HEATR4: variants seen among roughly 807,000 people sequenced by gnomAD.
The protein encoded by HEATR4 is HEAT repeat-containing protein 4.
Under a neutral mutation model 108.8 loss-of-function variants are expected in HEATR4, and 95 were observed. The observed-to-expected ratio is 0.87, with a 90% CI of 0.74 to 1.04. HEATR4 has a LOEUF of 1.04. HEATR4 is among the 50% of genes least tolerant of loss of function. HEATR4 has a pLI of 0.00. For missense variants in HEATR4, 1,152 were observed against 1,253.8 expected (o/e 0.92, Z 1.23); for synonymous variants, 443 against 459.4 (o/e 0.96, Z 0.46).
the HEATR4 span, chr14:73,591,965 A>G: frequency 6.5e-6 from 9 of 1,383,274 alleles, no homozygotes; most frequent in Non-Finnish European, 8.4e-6. Flanking sequence ...CCAAGATGTC[A>G]GCAACGCTGA....
At position 73,512,092 on chromosome 14, in the gene HEATR4, T is replaced by A; in HGVS notation, c.1472A>T (p.His491Leu). Residue 491 changes from histidine (H) to leucine (L), a missense_variant, in exon 7 of 18, where the codon CAT (histidine) becomes CTT (leucine). Transcript: ENST00000553558. Reference sequence around the variant, plus strand: ...GATAGCTTTGATCCGAACGTCATCATGCAGGTCTCCCAAGCTCTGAAGCAG... The same window carrying A: ...GATAGCTTTGATCCGAACGTCATCAAGCAGGTCTCCCAAGCTCTGAAGCAG... ...ENLLQSLGDLHDDVRIKAITT... is the reference protein window; with the variant it reads ...ENLLQSLGDLLDDVRIKAITT... The A allele has an allele frequency of 1.2e-6, 2 of 1,614,190 alleles. No individual in the cohort carries two copies. Among genetic ancestry groups the A allele is most frequent in the Non-Finnish European group, 1.7e-6 (2 of 1,180,036 alleles).
At chr14:73,500,521 T>C in intron 12 of HEATR4, 29 bp downstream of exon 12, 1 of 1,603,308 alleles carries the variant, frequency 6.2e-7, no homozygotes, top group Non-Finnish European at 8.5e-7. Context: ...GTCAATCAGG[T>C]AAGATGAGAA....
intron 6 of HEATR4, 30 bp from the exon 7 acceptor site, chr14:73,512,179 A>G (rs1196532917): frequency 6.2e-7 from 1 of 1,613,104 alleles, no homozygotes; most frequent in Non-Finnish European, 8.5e-7. Flanking sequence ...ATGAAAAGAG[A>G]ACCACCTGGT....
At chr14:73,533,295 C>T (rs1415330927) in intron 1 of HEATR4, among the ~76,000 whole-genome samples, 6 of 115,098 alleles carry the variant, frequency 5.2e-5, no homozygotes, top group Non-Finnish European at 1.1e-4. Flanking sequence ...AATAGCCAAA[C>T]GGTGGAAAGA....
At chr14:73,520,767 A>C (rs1335080104) in intron 4 of HEATR4, 85 bp downstream of exon 4, 2 of 1,300,068 alleles carry the variant, frequency 1.5e-6, no homozygotes, top group African/African-American at 2.9e-5. Flanking sequence ...GTCCATACCC[A>C]CAACTGTTTC....
intron 10 of HEATR4, among the ~76,000 whole-genome samples, chr14:73,503,548 C>T (rs1886615813): frequency 6.6e-6 from 1 of 152,192 alleles, no homozygotes. Context: ...AAGTATCTCC[C>T]TTCTCTACTC....
chr14:73,481,548 T>C (rs1304674600), intron 17 of HEATR4, among the ~76,000 whole-genome samples: 1 of 143,682 alleles, frequency 7.0e-6, no homozygotes, highest in Non-Finnish European at 1.5e-5. Context: ...GCTATAGAGA[T>C]AGTAAAAAAA....
chr14:73,619,919 C>CTT, the HEATR4 span: 27,422 of 1,164,380 alleles, frequency 0.024, 50 homozygotes, highest in East Asian at 0.11. Flanking sequence ...TTTCTTTTCT[C>CTT]TTTTTTTTTT....
At chr14:73,498,722 A>C (rs983693474) in intron 13 of HEATR4, among the ~76,000 whole-genome samples, 6 of 152,232 alleles carry the variant, frequency 3.9e-5, no homozygotes, top group East Asian at 1.9e-4. Context: ...GGTCTGTAGC[A>C]GTCTTGAAAC....
rs1269728448 is a variant in HEATR4, at chr14:73,549,071, G to A, written c.-152+9680C>T. ...GTATTGCTCACAGTTTTGGAGGCTA[G>A]GAAATCCAAGATCAAGGCACCAGCA... On this transcript the variant is annotated intron_variant, in intron 1 of 17. Coordinates refer to ENST00000553558, the MANE Select transcript of HEATR4 (RefSeq NM_001220484.1). Among the ~76,000 whole-genome samples, 15 of 113,766 alleles carry A rather than the reference G, an allele frequency of 1.3e-4. 5 individuals are homozygous for A. Among genetic ancestry groups the A allele is most frequent in the Non-Finnish European group, 2.9e-4 (15 of 52,244 alleles). 74.6% of individuals were successfully genotyped at this position (113,766 alleles called of 152,430 possible).
In HEATR4 at chr14:73,509,407, T is replaced by C. The variant is rs1417291760; in HGVS notation, c.1625A>G (p.Asn542Ser). 1.2e-6 allele frequency: 2 copies of C among 1,614,098 alleles called. No homozygotes were observed. The highest frequency in any genetic ancestry group is 1.7e-5 in the Admixed American group (1 of 60,008). The change falls in exon 8 of 18, where the codon AAT (asparagine) becomes AGT (serine). Residue 542 changes from asparagine (N) to serine (S), a missense_variant. By Grantham distance (46) the Asn-to-Ser change is conservative. Transcript: ENST00000553558. ...TGCTGCTGCCATCCGCACATGGGCATTCTTGTCACAAAGAGCAGCCTCTAG... is the reference window on the plus strand; with the variant it reads ...TGCTGCTGCCATCCGCACATGGGCACTCTTGTCACAAAGAGCAGCCTCTAG... Reference protein sequence around the residue: ...PALEAALCDKNAHVRMAAAIC... With the variant: ...PALEAALCDKSAHVRMAAAIC...
the HEATR4 span, chr14:73,574,802 C>G: frequency 6.3e-7 from 1 of 1,582,066 alleles, no homozygotes; most frequent in Non-Finnish European, 8.6e-7. Context: ...AATGGTAGAA[C>G]CTAGATTCAG....
rs1888024016 is a variant in HEATR4 at position 73,522,351 on chromosome 14, CTG to C, written c.800_801del (p.Thr267SerfsTer4). On this transcript the variant is annotated frameshift_variant, in exon 3 of 18. Coordinates refer to ENST00000553558, the MANE Select transcript of HEATR4 (RefSeq NM_001220484.1). LOFTEE classifies it high-confidence loss of function. ...ELLKQLEAEE[T>X]AEFEDQSVIL... is the part of the protein sequence containing the mutation. Reference sequence around the variant, plus strand: ...ATGACACTTTGATCCTCAAACTCTGCTGTCTCTTCTGCCTCCAGCTGTTTCAG... The same window carrying C: ...ATGACACTTTGATCCTCAAACTCTGCTCTCTTCTGCCTCCAGCTGTTTCAG... 1.2e-6 allele frequency: 2 copies of C among 1,614,248 alleles called. No individual in the cohort carries two copies. The highest frequency in any genetic ancestry group is 1.7e-6 in the Non-Finnish European group (2 of 1,180,042).
At chr14:73,562,200 A>G (rs531713459), upstream of HEATR4, among the ~76,000 whole-genome samples, 48 of 152,150 alleles carry the variant, frequency 3.2e-4, no homozygotes, top group African/African-American at 1.2e-3. Flanking sequence ...GTGGGAAGTC[A>G]AGGACCCCGA....
the HEATR4 span, among the ~76,000 whole-genome samples, chr14:73,632,224 C>T: frequency 6.6e-6 from 1 of 152,066 alleles, no homozygotes; most frequent in African/African-American, 2.4e-5. Context: ...GATCCTTCTG[C>T]CTCTGTCTCC....
At chr14:73,491,360 C>A in intron 17 of HEATR4, 1 of 1,381,574 alleles carries the variant, frequency 7.2e-7, no homozygotes. Context: ...CGCGCGCTCC[C>A]TGCAGACCCC....
chr14:73,492,048 T>C lies in HEATR4; in HGVS notation c.2844+1018A>G, dbSNP rs767626494. The stretch of plus-strand genomic sequence containing the variant: ...GGCTTTGCCCCCCACTACGACGACA[T>C]CGAGGCCTTCGTGCTGCAGCTGGAA... On this transcript the variant is annotated intron_variant, in intron 17 of 17. Transcript: ENST00000553558. The surrounding 1 kb of genome is among the most constrained non-coding windows in gnomAD (Gnocchi z 4.9). 2 of 1,613,960 alleles carry C rather than the reference T, an allele frequency of 1.2e-6. No individual in the cohort carries two copies. The highest frequency in any genetic ancestry group is 2.2e-5 in the South Asian group (2 of 91,068).
the HEATR4 span, among the ~76,000 whole-genome samples, chr14:73,627,518 G>C: frequency 6.6e-6 from 1 of 152,090 alleles, no homozygotes; most frequent in African/African-American, 2.4e-5. Flanking sequence ...CACAGAACTT[G>C]GGAAACACTT....
the HEATR4 span, among the ~76,000 whole-genome samples, chr14:73,576,793 CAAAAAA>C: frequency 0.016 from 189 of 12,098 alleles, 8 homozygotes; most frequent in African/African-American, 0.037. Flanking sequence ...GACACAGTCT[CAAAAAA>C]AAAAAAAAAA....
Sources: gnomAD v4.1 joint callset for allele counts (sites outside exome capture counted in the v4.1 genomes callset) on GRCh38, gnomAD v4.1.1 for gene constraint, Gnocchi (gnomAD v3.1) non-coding constraint, MANE v1.5 for transcripts, NCBI Gene and HGNC (gene_info 2026-07-23, HGNC 2026-07-21) for gene names.